PRDM13: variants seen among roughly 807,000 people sequenced by gnomAD.
PRDM13 encodes the protein PR/SET domain 13.
PRDM13 carries 15 observed loss-of-function variants against 36.4 expected under a neutral mutation model. The ratio of observed to expected loss-of-function variants is 0.41; its 90% CI spans 0.28 to 0.64. The LOEUF (loss-of-function observed/expected upper bound fraction) is 0.64, where lower values mean the gene tolerates loss of function less well. PRDM13 is among the 30% of genes least tolerant of loss of function. The pLI, the probability that PRDM13 is intolerant of heterozygous loss-of-function variation, is 0.29. For synonymous variants in PRDM13, 531 were observed against 467.7 expected, an observed-to-expected ratio of 1.14 and a Z score of -1.75; for missense variants, 1,044 against 1,013.5, an observed-to-expected ratio of 1.03 and a Z score of -0.41.
chr6:99,608,586 C>G (rs1769986207), intron 1 of PRDM13, among the ~76,000 whole-genome samples, 155 bp from the exon 2 acceptor site: 1 of 152,198 alleles, frequency 6.6e-6, no homozygotes, highest in Non-Finnish European at 1.5e-5. Flanking sequence ...AAGCAAGGTC[C>G]TAAGGAATTC....
chr6:99,609,269 A>G lies in PRDM13; in HGVS notation c.359A>G (p.Asp120Gly). 6.2e-7 allele frequency: 1 copy of G among 1,614,062 alleles called. No homozygotes were observed. The highest frequency in any genetic ancestry group is 8.5e-7 in the Non-Finnish European group (1 of 1,179,966). Residue 120 changes from aspartate to glycine, a missense_variant, in exon 3 of 4, where the codon GAC becomes GGC. Coordinates refer to ENST00000369215, the MANE Select transcript of PRDM13 (RefSeq NM_021620.4). ...TCTAACTCCTTGGCTCAGTGGTTCGACATCCCCACCACAGCGACTCCGACT... is the reference window on the plus strand; with the variant it reads ...TCTAACTCCTTGGCTCAGTGGTTCGGCATCCCCACCACAGCGACTCCGACT... ...WYSNSLAQWF[D>G]IPTTATPTHD...
rs1030422600 is a variant in PRDM13 at position 99,607,323 on chromosome 6, T to C, written c.144+145T>C. On this transcript the variant is annotated intron_variant, in intron 1 of 3. Coordinates refer to ENST00000369215, the MANE Select transcript of PRDM13 (RefSeq NM_021620.4). ...GGGTGGAAGGGGACTCCTATTATTC[T>C]GAGCAAGTAGCCTCTTTAACTGTGA... 1.8e-5 allele frequency: 22 copies of C among 1,214,498 alleles called. No individual in the cohort carries two copies. The African/African-American group carries it at 3.2e-4, about 18-fold the overall frequency. 75.2% of individuals were successfully genotyped at this position (1,214,498 alleles called of 1,614,324 possible). A position where few individuals can be genotyped will look rare whatever the true frequency, so the allele number is the denominator to read the frequency against.
chr6:99,613,460 G>A lies in PRDM13; in HGVS notation c.825G>A (p.Val275=). Residue 275 remains valine (V), a synonymous_variant, in exon 4 of 4, where the codon GTG becomes GTA. Transcript: ENST00000369215. The surrounding 1 kb of genome is among the most constrained non-coding windows in gnomAD (Gnocchi z 6.1). ...GACAAGGGCACTTCCTCGGCATCGT[G>A]GGCGGCTCCTCGGCGGGGGTCGGCA... ...ARGQGHFLGI[V]GGSSAGVGSL... is the part of the protein sequence containing the mutation. 3.3e-6 allele frequency: 5 copies of A among 1,536,962 alleles called. No homozygotes were observed. The African/African-American group carries it at 5.6e-5, about 17-fold the overall frequency.
rs919291061 is a variant in PRDM13, at chr6:99,613,838, C to G, written c.1203C>G (p.Ala401=). The G allele has an allele frequency of 2.0e-6, 3 of 1,511,538 alleles. No homozygotes were observed. The highest frequency in any genetic ancestry group is 2.6e-6 in the Non-Finnish European group (3 of 1,136,996). 93.6% of individuals were successfully genotyped at this position (1,511,538 alleles called of 1,614,324 possible). A position where few individuals can be genotyped will look rare whatever the true frequency, so the allele number is the denominator to read the frequency against. Residue 401 remains alanine (A), a synonymous_variant, in exon 4 of 4, where the codon GCC becomes GCG. Coordinates refer to ENST00000369215, the MANE Select transcript of PRDM13 (RefSeq NM_021620.4). The surrounding 1 kb of genome is among the most constrained non-coding windows in gnomAD (Gnocchi z 6.1). The part of the protein sequence containing the change: ...LLSVPPEEAS[A]FKHVERAPPA... ...CCGTCCCCCCGGAAGAGGCGTCCGC[C>G]TTCAAGCACGTGGAGCGCGCCCCGC...
chr6:99,612,899 T>G, intron 3 of PRDM13, 134 bp from the exon 4 acceptor site: 1 of 1,473,690 alleles, frequency 6.8e-7, no homozygotes, highest in Non-Finnish European at 9.0e-7. Context: ...ACAGTAGGGC[T>G]ACCGAACTTA....
At chr6:99,609,431 A>G in intron 3 of PRDM13, 124 bp downstream of exon 3, 1 of 1,331,462 alleles carries the variant, frequency 7.5e-7, no homozygotes, top group Non-Finnish European at 1.0e-6. Context: ...TTCAAGGCAA[A>G]GAGGAGAGAG....
In PRDM13 at chr6:99,608,783, T is replaced by C. The variant is rs1274724244; in HGVS notation, c.187T>C (p.Ser63Pro). The change falls in exon 2 of 4, where the codon TCC (serine) becomes CCC (proline). Residue 63 changes from serine to proline, a missense_variant. Ser to Pro is a moderately conservative substitution (Grantham distance 74, BLOSUM62 -1). Transcript: ENST00000369215. ...RGELVDESGG[S>P]PLEWIGLIRA... The stretch of plus-strand genomic sequence containing the variant: ...GGAGCTGGTGGACGAGTCGGGGGGC[T>C]CCCCTCTGGAGTGGATAGGGTTAAT... 6.2e-7 allele frequency: 1 copy of C among 1,611,682 alleles called. No homozygotes were observed. Among genetic ancestry groups the C allele is most frequent in the Non-Finnish European group, 8.5e-7 (1 of 1,178,966 alleles).
At chr6:99,609,387 G>T (rs1385902129) in intron 3 of PRDM13, 80 bp downstream of exon 3, 12 of 1,524,100 alleles carry the variant, frequency 7.9e-6, no homozygotes, top group Middle Eastern at 1.7e-4. Context: ...GACATAGCTC[G>T]ATCTATGTAA....
At chr6:99,610,958 A>C (rs899950109) in intron 3 of PRDM13, among the ~76,000 whole-genome samples, 2 of 152,126 alleles carry the variant, frequency 1.3e-5, no homozygotes, top group African/African-American at 4.8e-5. Context: ...GTGAGAAGGC[A>C]TGGGTGATTT....
In PRDM13 at chr6:99,614,002, C is replaced by G; in HGVS notation, c.1367C>G (p.Pro456Arg). The G allele has an allele frequency of 5.0e-6, 8 of 1,609,958 alleles. No individual in the cohort carries two copies. The highest frequency in any genetic ancestry group is 6.8e-6 in the Non-Finnish European group (8 of 1,178,954). ...AYPGGECSHL[P>R]AVMPAFTVYN... ...CCGGGTGGTGAGTGCAGCCACCTGC[C>G]CGCCGTCATGCCGGCCTTTACAGTC... The change falls in exon 4 of 4, where the codon CCC (proline) becomes CGC (arginine). Residue 456 changes from proline (P) to arginine (R), a missense_variant. Coordinates refer to ENST00000369215, the MANE Select transcript of PRDM13 (RefSeq NM_021620.4).
rs1769952070 is a variant in PRDM13 at position 99,606,875 on chromosome 6, C to G, written c.-160C>G. ...TAGCGGTGCCAAAAGGCTCCCGCCCCGATTGAAAAGGCGCAGTGCATGCCC... is the reference window on the plus strand; with the variant it reads ...TAGCGGTGCCAAAAGGCTCCCGCCCGGATTGAAAAGGCGCAGTGCATGCCC... On this transcript the variant is annotated 5_prime_UTR_variant, in exon 1 of 4. Transcript: ENST00000369215. The G allele has an allele frequency of 1.2e-5, 12 of 973,016 alleles. No homozygotes were observed. The highest frequency in any genetic ancestry group is 3.9e-5 in the South Asian group (2 of 51,908). The allele number at this position is 973,016 out of a possible 1,614,324, so 60.3% of individuals were successfully genotyped here.
chr6:99,613,899 C>G lies in PRDM13; in HGVS notation c.1264C>G (p.Gln422Glu). Reference protein sequence around the residue: ...AAALPGARYAQLPPAPGLPLE... With the variant: ...AAALPGARYAELPPAPGLPLE... ...CGCGCTGCCAGGAGCGCGTTATGCGCAGCTGCCCCCTGCGCCGGGGTTGCC... is the reference window on the plus strand; with the variant it reads ...CGCGCTGCCAGGAGCGCGTTATGCGGAGCTGCCCCCTGCGCCGGGGTTGCC... The change falls in exon 4 of 4, where the codon CAG becomes GAG. Residue 422 changes from glutamine (Q) to glutamate (E), a missense_variant. This residue lies in a region of PRDM13 where 921 missense variants were observed against 865.2 expected (regional missense o/e 1.06). Coordinates refer to ENST00000369215, the MANE Select transcript of PRDM13 (RefSeq NM_021620.4). The surrounding 1 kb of genome is among the most constrained non-coding windows in gnomAD (Gnocchi z 6.1). The G allele has an allele frequency of 1.3e-6, 2 of 1,576,860 alleles. No homozygotes were observed. The highest frequency in any genetic ancestry group is 1.7e-6 in the Non-Finnish European group (2 of 1,167,946).
Position 99,614,349 on chromosome 6 carries a change from G to T in PRDM13, c.1714G>T (p.Gly572Cys). 6.2e-7 allele frequency: 1 copy of T among 1,612,156 alleles called. No homozygotes were observed. Among genetic ancestry groups the T allele is most frequent in the Non-Finnish European group, 8.5e-7 (1 of 1,179,564 alleles). Reference protein sequence around the residue: ...GGSGAGKPKTGHLCLYCGKLY... With the variant: ...GGSGAGKPKTCHLCLYCGKLY... ...CAGCGGCGCAGGTAAGCCCAAGACC[G>T]GCCACCTGTGCCTCTACTGTGGCAA... The change falls in exon 4 of 4, where the codon GGC becomes TGC. Residue 572 changes from glycine to cysteine, a missense_variant. Physicochemically the swap from Gly to Cys is radical, Grantham distance 159. This residue lies in a region of PRDM13 where 921 missense variants were observed against 865.2 expected (regional missense o/e 1.06). Coordinates refer to ENST00000369215, the MANE Select transcript of PRDM13 (RefSeq NM_021620.4).
At position 99,609,323 on chromosome 6, in the gene PRDM13, G is replaced by C. The variant is rs1769999082; in HGVS notation, c.397+16G>C. ...GACGAGAAAGGTACCCATTCCAAAA[G>C]CGTGGATGGGCAAAAGTCCAGCCCT... On this transcript the variant is annotated intron_variant, in intron 3 of 3. Transcript: ENST00000369215. 2.5e-6 allele frequency: 4 copies of C among 1,613,524 alleles called. No individual in the cohort carries two copies. In the Admixed American group the frequency reaches 6.7e-5, roughly 27 times the overall value.
chr6:99,613,216 C>G lies in PRDM13; in HGVS notation c.581C>G (p.Pro194Arg), dbSNP rs747397866. 2.5e-6 allele frequency: 4 copies of G among 1,611,972 alleles called. No homozygotes were observed. The highest frequency in any genetic ancestry group is 3.4e-6 in the Non-Finnish European group (4 of 1,179,684). The change falls in exon 4 of 4, where the codon CCC (proline) becomes CGC (arginine). Residue 194 changes from proline to arginine, a missense_variant. Physicochemically the swap from Pro to Arg is moderately radical, Grantham distance 103. Transcript: ENST00000369215. The surrounding 1 kb of genome is among the most constrained non-coding windows in gnomAD (Gnocchi z 6.1). ...GATGGCCTCGGTCTCTCCCCAAAACCCCCGGCGCCCGATTTCGCCGCGCCT... is the reference window on the plus strand; with the variant it reads ...GATGGCCTCGGTCTCTCCCCAAAACGCCCGGCGCCCGATTTCGCCGCGCCT... ...AADGLGLSPKPPAPDFAAPSQ... is the reference protein window; with the variant it reads ...AADGLGLSPKRPAPDFAAPSQ...
chr6:99,608,889 T>C lies in PRDM13; in HGVS notation c.276+17T>C, dbSNP rs1388673091. ...GGAGGACAGGTACTGCGGGCTTCTC[T>C]CCACACCCCCCCACTCCCCACCGCC... On this transcript the variant is annotated intron_variant, in intron 2 of 3. Transcript: ENST00000369215. 2.5e-6 allele frequency: 4 copies of C among 1,605,374 alleles called. No individual in the cohort carries two copies. Among genetic ancestry groups the C allele is most frequent in the Non-Finnish European group, 3.4e-6 (4 of 1,175,694 alleles).
chr6:99,613,855 G>A lies in PRDM13; in HGVS notation c.1220G>A (p.Arg407His), dbSNP rs986381257. The stretch of plus-strand genomic sequence containing the variant: ...GCGTCCGCCTTCAAGCACGTGGAGC[G>A]CGCCCCGCCCGCAGCCGCCGCGCTG... ...EEASAFKHVE[R>H]APPAAAALPG... The change falls in exon 4 of 4, where the codon CGC becomes CAC. Residue 407 changes from arginine to histidine, a missense_variant. Transcript: ENST00000369215. This position sits in a 1 kb window ranked among gnomAD's most constrained non-coding sequence, Gnocchi z 6.1. 7 of 1,507,062 alleles carry A rather than the reference G, an allele frequency of 4.6e-6. No homozygotes were observed. The highest frequency in any genetic ancestry group is 6.2e-6 in the Non-Finnish European group (7 of 1,135,034). 93.4% of individuals were successfully genotyped at this position (1,507,062 alleles called of 1,614,324 possible).
rs1250958498 is a variant in PRDM13, at chr6:99,608,837, A to G, written c.241A>G (p.Thr81Ala). ...IRAARNSQEQ[T>A]LEAIADLPGG... The stretch of plus-strand genomic sequence containing the variant: ...GGCAGCCAGAAACTCCCAGGAACAG[A>G]CTCTGGAAGCTATTGCAGACTTACC... Residue 81 changes from threonine (T) to alanine (A), a missense_variant, in exon 2 of 4, where the codon ACT becomes GCT. Transcript: ENST00000369215. The G allele has an allele frequency of 6.2e-7, 1 of 1,613,050 alleles. No homozygotes were observed. Among genetic ancestry groups the G allele is most frequent in the Non-Finnish European group, 8.5e-7 (1 of 1,179,768 alleles).
At position 99,614,885 on chromosome 6, in the gene PRDM13, G is replaced by A; in HGVS notation, c.*126G>A. The A allele has an allele frequency of 1.6e-6, 2 of 1,258,168 alleles. No individual in the cohort carries two copies. Among genetic ancestry groups the A allele is most frequent in the Non-Finnish European group, 2.1e-6 (2 of 933,852 alleles). 77.9% of individuals were successfully genotyped at this position (1,258,168 alleles called of 1,614,324 possible). A position where few individuals can be genotyped will look rare whatever the true frequency, so the allele number is the denominator to read the frequency against. ...CAAAACCGTTTTTGTTTTTGAGAGG[G>A]CGCCAGATTTGAAACAGTGAGAGGT... On this transcript the variant is annotated 3_prime_UTR_variant, in exon 4 of 4. Coordinates refer to ENST00000369215, the MANE Select transcript of PRDM13 (RefSeq NM_021620.4).
Sources: allele counts gnomAD v4.1 joint callset (sites outside exome capture counted in the v4.1 genomes callset), GRCh38; gene constraint gnomAD v4.1.1; regional missense constraint gnomAD v4.1.1; non-coding constraint Gnocchi (gnomAD v3.1); transcripts MANE v1.5; gene names NCBI Gene and HGNC (gene_info 2026-07-23, HGNC 2026-07-21).